Variants in ERAP1 observed in about 807,000 individuals in gnomAD.
The protein encoded by ERAP1 is endoplasmic reticulum aminopeptidase 1.
ERAP1 carries 86 observed loss-of-function variants against 103.7 expected under a neutral mutation model. The observed-to-expected ratio is 0.83, with a 90% confidence interval of 0.70 to 0.99. The LOEUF is 0.99. ERAP1 is among the 50% of genes least tolerant of loss of function. ERAP1 has a pLI of 0.00. For missense variants in ERAP1, 1,009 were observed against 1,128.4 expected (o/e 0.89, Z 1.52); for synonymous variants, 398 against 402.4 (o/e 0.99, Z 0.13).
the ERAP1 span, among the ~76,000 whole-genome samples, chr5:96,843,006 T>C: frequency 6.6e-6 from 1 of 152,190 alleles, no homozygotes; most frequent in Non-Finnish European, 1.5e-5. Flanking sequence ...ATTCCTTAAT[T>C]GACTTGCCAG....
the ERAP1 span, among the ~76,000 whole-genome samples, chr5:96,856,525 A>G: frequency 2.6e-5 from 4 of 151,624 alleles, no homozygotes; most frequent in East Asian, 3.9e-4. Context: ...TTCAAACCCT[A>G]CGTCGTATCT....
the ERAP1 span, among the ~76,000 whole-genome samples, chr5:96,921,573 G>A: frequency 1.3e-5 from 2 of 152,288 alleles, no homozygotes; most frequent in African/African-American, 2.4e-5. Context: ...TTTCTTACTC[G>A]TTTCTACAAT....
chr5:96,809,731 G>T (rs980205599), upstream of ERAP1, among the ~76,000 whole-genome samples: 1 of 152,046 alleles, frequency 6.6e-6, no homozygotes, highest in African/African-American at 2.4e-5. Context: ...AATGGATAGC[G>T]TGTAGCCTCC....
the ERAP1 span, among the ~76,000 whole-genome samples, chr5:96,911,571 T>G: frequency 6.6e-6 from 1 of 151,850 alleles, no homozygotes; most frequent in Non-Finnish European, 1.5e-5. Context: ...GTCAGATGAC[T>G]CCCAGACAGG....
chr5:96,902,232 A>C, the ERAP1 span: 1 of 1,334,556 alleles, frequency 7.5e-7, no homozygotes, highest in Non-Finnish European at 1.1e-6. Context: ...AAATCACAGC[A>C]GCATTCTTTT....
At chr5:96,854,350 C>G in the ERAP1 span, among the ~76,000 whole-genome samples, 1 of 152,074 alleles carries the variant, frequency 6.6e-6, no homozygotes, top group Non-Finnish European at 1.5e-5. Context: ...CATACTTGAA[C>G]TGGTCTGCAG....
the ERAP1 span, among the ~76,000 whole-genome samples, chr5:96,891,328 C>T: frequency 6.6e-6 from 1 of 150,484 alleles, no homozygotes; most frequent in Admixed American, 6.7e-5. Flanking sequence ...CATGCGCATA[C>T]ATTTATACCT....
At chr5:96,923,566 C>T in the ERAP1 span, among the ~76,000 whole-genome samples, 6 of 151,456 alleles carry the variant, frequency 4.0e-5, no homozygotes, top group East Asian at 1.9e-4. Flanking sequence ...CAGTGGCGGG[C>T]GCCCGTAGTC....
In ERAP1 at chr5:96,803,899, G is replaced by A. The variant is rs777284353; in HGVS notation, c.28C>T (p.Leu10Phe). ...GAAAGTAGAAATGACATGGTTGCAA[G>A]GGACCATTTGAGGGGCAGAAACACC... MVFLPLKWS[L>F]ATMSFLLSSL... Residue 10 changes from leucine (L) to phenylalanine (F), a missense_variant, in exon 2 of 19, where the codon CTT becomes TTT. By Grantham distance (22) the Leu-to-Phe change is conservative. Transcript: ENST00000443439. 52 of 1,608,998 alleles carry A rather than the reference G, an allele frequency of 3.2e-5. No individual in the cohort carries two copies. In the East Asian group the frequency reaches 1.2e-3, roughly 36 times the overall value.
the ERAP1 span, among the ~76,000 whole-genome samples, chr5:96,834,606 T>G: frequency 6.6e-6 from 1 of 152,170 alleles, no homozygotes; most frequent in Admixed American, 6.5e-5. Flanking sequence ...AATGAACTAC[T>G]GGAAGAATAA....
the ERAP1 span, among the ~76,000 whole-genome samples, chr5:96,900,913 C>T: frequency 6.6e-6 from 1 of 152,132 alleles, no homozygotes; most frequent in Admixed American, 6.5e-5. Flanking sequence ...AATTCGCCCA[C>T]CTTGGCCTCC....
At chr5:96,930,100 C>T in the ERAP1 span, among the ~76,000 whole-genome samples, 1 of 152,128 alleles carries the variant, frequency 6.6e-6, no homozygotes, top group South Asian at 2.1e-4. Context: ...TTATTATACC[C>T]CTTCCTCAAT....
chr5:96,863,973 C>T, the ERAP1 span, among the ~76,000 whole-genome samples: 1 of 152,134 alleles, frequency 6.6e-6, no homozygotes. Context: ...GCTTCCTTGA[C>T]TCCAGCTATA....
At chr5:96,816,518 C>T in the ERAP1 span, among the ~76,000 whole-genome samples, 5 of 152,298 alleles carry the variant, frequency 3.3e-5, no homozygotes, top group African/African-American at 1.2e-4. Flanking sequence ...AACTTAGGCA[C>T]AGGTGCAACA....
chr5:96,807,957 A>G (rs1778850526), upstream of ERAP1: 1 of 985,764 alleles, frequency 1.0e-6, no homozygotes, highest in Non-Finnish European at 1.2e-6. Context: ...GAGCCCGGGG[A>G]GCGGCAGGCT....
At chr5:96,825,679 G>A in the ERAP1 span, among the ~76,000 whole-genome samples, 2 of 152,112 alleles carry the variant, frequency 1.3e-5, no homozygotes, top group Non-Finnish European at 2.9e-5. Flanking sequence ...ACTTTCAATA[G>A]TTCACTATAA....
chr5:96,793,356 A>G, intron 7 of ERAP1, 44 bp downstream of exon 7: 1 of 1,378,660 alleles, frequency 7.3e-7, no homozygotes, highest in Non-Finnish European at 1.0e-6. Context: ...TATTGAACAA[A>G]ACAACAAATT....
the ERAP1 span, among the ~76,000 whole-genome samples, chr5:96,882,857 T>C: frequency 1.3e-5 from 2 of 152,178 alleles, no homozygotes. Flanking sequence ...TTTTCCCTCC[T>C]GACCTCTCTC....
At chr5:96,828,678 T>C in the ERAP1 span, among the ~76,000 whole-genome samples, 1 of 152,198 alleles carries the variant, frequency 6.6e-6, no homozygotes, top group African/African-American at 2.4e-5. Context: ...GACCCCATCC[T>C]GGACATATGG....
Sources: allele counts gnomAD v4.1 joint callset (sites outside exome capture counted in the v4.1 genomes callset), GRCh38; gene constraint gnomAD v4.1.1; transcripts MANE v1.5; gene names NCBI Gene and HGNC (gene_info 2026-07-23, HGNC 2026-07-21).